Variants in OR10K2 observed in about 807,000 individuals in gnomAD.
OR10K2 encodes the protein olfactory receptor family 10 subfamily K member 2.
For synonymous variants in OR10K2, 169 were observed against 146.4 expected, an observed-to-expected ratio of 1.15 and a Z score of -1.11; for missense variants, 401 against 367.1, an observed-to-expected ratio of 1.09 and a Z score of -0.76.
chr1:158,422,501 G>T (rs112169513), intron 1 of OR10K2, among the ~76,000 whole-genome samples: 12 of 152,232 alleles, frequency 7.9e-5, no homozygotes, highest in African/African-American at 2.9e-4. Context: ...TCAGAATTCT[G>T]TGTACCTAAG....
rs1655141851 is a variant in OR10K2 at position 158,420,870 on chromosome 1, G to A, written c.-4C>T. 6.2e-7 allele frequency: 1 copy of A among 1,611,154 alleles called. No homozygotes were observed. The highest frequency in any genetic ancestry group is 8.5e-7 in the Non-Finnish European group (1 of 1,178,388). On this transcript the variant is annotated 5_prime_UTR_variant, in exon 2 of 2. Coordinates refer to ENST00000641042, the MANE Select transcript of OR10K2 (RefSeq NM_001004476.2). ...CAGTCTCATTGACCCGCTCCATGGA[G>A]CATACATCATCAGGAGACAATTAGG...
At chr1:158,422,593 A>G (rs777295217) in intron 1 of OR10K2, among the ~76,000 whole-genome samples, 3 of 152,088 alleles carry the variant, frequency 2.0e-5, no homozygotes, top group Non-Finnish European at 4.4e-5. Context: ...CATAAAGATA[A>G]CCTTACAATT....
At chr1:158,424,731 T>C (rs969969223) in intron 1 of OR10K2, among the ~76,000 whole-genome samples, 2 of 89,822 alleles carry the variant, frequency 2.2e-5, no homozygotes, top group African/African-American at 8.3e-5. Flanking sequence ...TAGACTACAG[T>C]ACAATCTGTG....
chr1:158,421,069 G>A (rs2101647338), intron 1 of OR10K2, 142 bp from the exon 2 acceptor site: 1 of 606,036 alleles, frequency 1.7e-6, no homozygotes, highest in South Asian at 2.1e-5. Context: ...CAAACTTTGA[G>A]TCTCCATAGT....
Position 158,425,034 on chromosome 1 carries a change from C to T in OR10K2, c.-62+899G>A, listed in dbSNP as rs536630514. 2.0e-5 allele frequency among the ~76,000 whole-genome samples: 3 copies of T among 152,144 alleles called. No homozygotes were observed. In the South Asian group the frequency reaches 6.2e-4, roughly 32 times the overall value. On this transcript the variant is annotated intron_variant, in intron 1 of 1. Coordinates refer to ENST00000641042, the MANE Select transcript of OR10K2 (RefSeq NM_001004476.2). ...ACAGACATTATTTATGTAAGTTTAA[C>T]TTGGAATTGAAAAGGGGCAGAGAGC...
intron 1 of OR10K2, among the ~76,000 whole-genome samples, chr1:158,422,077 T>C (rs1229958508): frequency 6.6e-6 from 1 of 152,120 alleles, no homozygotes; most frequent in African/African-American, 2.4e-5. Flanking sequence ...TTGCCAAAAT[T>C]ATGTGATATT....
In OR10K2 at chr1:158,419,810, C is replaced by T. The variant is rs1427016088; in HGVS notation, c.*118G>A. The stretch of plus-strand genomic sequence containing the variant: ...ATTTTTTGGTAGAGATAGGATTTCA[C>T]TATGTTGGCCAGGCTGGTCTTGAAG... On this transcript the variant is annotated 3_prime_UTR_variant, in exon 2 of 2. Transcript: ENST00000641042. 3 of 749,722 alleles carry T rather than the reference C, an allele frequency of 4.0e-6. No homozygotes were observed. Among genetic ancestry groups the T allele is most frequent in the African/African-American group, 3.6e-5 (2 of 56,328 alleles). 46.4% of individuals were successfully genotyped at this position (749,722 alleles called of 1,614,324 possible). A position where few individuals can be genotyped will look rare whatever the true frequency, so the allele number is the denominator to read the frequency against.
intron 1 of OR10K2, among the ~76,000 whole-genome samples, chr1:158,423,135 G>C (rs1655190172): frequency 6.6e-6 from 1 of 151,192 alleles, no homozygotes; most frequent in East Asian, 1.9e-4. Context: ...CTGCTTGCAT[G>C]TTCTACTTTA....
rs35350080 is a variant in OR10K2 at position 158,419,611 on chromosome 1, ATTT to A, written c.*314_*316del. The A allele has an allele frequency of 4.8e-3, 595 of 124,416 alleles. 3 individuals are homozygous for A. Among genetic ancestry groups the A allele is most frequent in the African/African-American group, 0.016 (493 of 31,076 alleles). 7.7% of individuals were successfully genotyped at this position (124,416 alleles called of 1,614,324 possible). On this transcript the variant is annotated 3_prime_UTR_variant, in exon 2 of 2. Coordinates refer to ENST00000641042, the MANE Select transcript of OR10K2 (RefSeq NM_001004476.2). ...ACGGTTTGGAAAGAGCAGAATCAAG[ATTT>A]TTTTTTTTTTTTTTTTTTGAGACAG...
intron 1 of OR10K2, among the ~76,000 whole-genome samples, chr1:158,422,802 G>T (rs115932773): frequency 1.3e-5 from 2 of 151,814 alleles, no homozygotes; most frequent in Non-Finnish European, 2.9e-5. Flanking sequence ...ACCCAGTCCC[G>T]AGCCTCTAGT....
chr1:158,421,157 G>A lies in OR10K2; in HGVS notation c.-61-230C>T, dbSNP rs545455359. 4.6e-5 allele frequency among the ~76,000 whole-genome samples: 7 copies of A among 152,070 alleles called. No individual in the cohort carries two copies. In the South Asian group the frequency reaches 1.5e-3, roughly 32 times the overall value. On this transcript the variant is annotated intron_variant, in intron 1 of 1. Coordinates refer to ENST00000641042, the MANE Select transcript of OR10K2 (RefSeq NM_001004476.2). ...CCTTCACCTCCATTCCCATCATGAG[G>A]CTGTTGCTCAGATTCTTAGCCTTTC...
At chr1:158,423,016 T>G (rs1047723044) in intron 1 of OR10K2, among the ~76,000 whole-genome samples, 2 of 152,010 alleles carry the variant, frequency 1.3e-5, no homozygotes, top group Non-Finnish European at 2.9e-5. Context: ...TGGAGAAATA[T>G]CATAACACAG....
intron 1 of OR10K2, among the ~76,000 whole-genome samples, chr1:158,424,723 G>T (rs1463275932): frequency 2.8e-5 from 4 of 142,568 alleles, no homozygotes; most frequent in Non-Finnish European, 6.2e-5. Context: ...ACCAACACTA[G>T]ACTACAGTAC....
chr1:158,421,836 A>G (rs1365462658), intron 1 of OR10K2, among the ~76,000 whole-genome samples: 1 of 152,142 alleles, frequency 6.6e-6, no homozygotes, highest in Non-Finnish European at 1.5e-5. Context: ...GAAATAAACT[A>G]TCTTTCTGTG....
At chr1:158,423,675 A>G (rs1410687347) in intron 1 of OR10K2, among the ~76,000 whole-genome samples, 1 of 151,964 alleles carries the variant, frequency 6.6e-6, no homozygotes, top group Non-Finnish European at 1.5e-5. Flanking sequence ...TAAGCATTTA[A>G]CTCATGGGAA....
At chr1:158,422,139 C>G (rs75454751) in intron 1 of OR10K2, among the ~76,000 whole-genome samples, 3 of 152,012 alleles carry the variant, frequency 2.0e-5, no homozygotes, top group Non-Finnish European at 4.4e-5. Flanking sequence ...ATTTTCTCTA[C>G]CAGATTTTGT....
chr1:158,425,667 C>T (rs963239446), intron 1 of OR10K2, among the ~76,000 whole-genome samples: 11 of 151,190 alleles, frequency 7.3e-5, no homozygotes, highest in African/African-American at 9.7e-5. Flanking sequence ...TCTACAAAAA[C>T]GTCATTATTT....
In OR10K2 at chr1:158,420,805, G is replaced by A; in HGVS notation, c.62C>T (p.Ala21Val). 3.7e-6 allele frequency: 6 copies of A among 1,613,660 alleles called. No individual in the cohort carries two copies. Among genetic ancestry groups the A allele is most frequent in the Non-Finnish European group, 5.1e-6 (6 of 1,179,834 alleles). The change falls in exon 2 of 2, where the codon GCC (alanine) becomes GTC (valine). Residue 21 changes from alanine (A) to valine (V), a missense_variant. Physicochemically the swap from Ala to Val is moderately conservative, Grantham distance 64. Transcript: ENST00000641042. ...EVIFLGFSSL[A>V]RLQQLLFVIF... ...AACAAAGAGCAGCTGCTGCAGCCTG[G>A]CCAGGGATGAGAAGCCGAGGAAGAT...
chr1:158,422,548 G>T (rs1334218204), intron 1 of OR10K2, among the ~76,000 whole-genome samples: 2 of 152,054 alleles, frequency 1.3e-5, no homozygotes, highest in African/African-American at 4.8e-5. Context: ...CTGCTCTGTA[G>T]AGCAAATTAG....
Sources: allele counts gnomAD v4.1 joint callset (sites outside exome capture counted in the v4.1 genomes callset), GRCh38; gene constraint gnomAD v4.1.1; transcripts MANE v1.5; gene names NCBI Gene and HGNC (gene_info 2026-07-23, HGNC 2026-07-21).